The following DROSHA variants were observed in gnomAD, a reference collection of about 807,000 sequenced individuals.
DROSHA encodes drosha ribonuclease III.
DROSHA carries 56 observed loss-of-function variants against 181.9 expected under a neutral mutation model. The observed-to-expected ratio is 0.31, with a 90% CI of 0.25 to 0.38. The LOEUF (loss-of-function observed/expected upper bound fraction) is 0.38, where lower values mean the gene tolerates loss of function less well. DROSHA is among the 10% of genes least tolerant of loss of function. The pLI, the probability that DROSHA is intolerant of heterozygous loss-of-function variation, is 1.00. For missense variants in DROSHA, 1,218 were observed against 1,743.5 expected, an observed-to-expected ratio of 0.70 and a Z score of 5.37; for synonymous variants, 524 against 591.2, an observed-to-expected ratio of 0.89 and a Z score of 1.65.
chr5:31,503,029 G>A (rs558232202), intron 11 of DROSHA, among the ~76,000 whole-genome samples: 11 of 152,218 alleles, frequency 7.2e-5, no homozygotes, highest in Non-Finnish European at 1.5e-4. Context: ...ACTTGAAGGT[G>A]CACAAATGGA....
chr5:31,461,263 A>G (rs1748374674), intron 20 of DROSHA, among the ~76,000 whole-genome samples: 1 of 152,186 alleles, frequency 6.6e-6, no homozygotes, highest in Non-Finnish European at 1.5e-5. Context: ...AACAAAATAT[A>G]TGGCAAACAT....
intron 22 of DROSHA, 144 bp downstream of exon 22, chr5:31,449,134 CAAA>C (rs371567874): frequency 6.6e-3 from 6,058 of 912,904 alleles, no homozygotes; most frequent in South Asian, 0.012. Context: ...GACCCTGTCT[CAAA>C]AAAAAAAAAA....
chr5:31,480,203 T>TATATATATATATATATAC (rs1345858192), intron 16 of DROSHA, among the ~76,000 whole-genome samples: 3 of 140,186 alleles, frequency 2.1e-5, no homozygotes, highest in Non-Finnish European at 4.8e-5. Context: ...TATATATATA[T>TATATATATATATATATAC]ACTGAAAATA....
chr5:31,404,267 A>C (rs1009614476), intron 35 of DROSHA, among the ~76,000 whole-genome samples: 3 of 152,106 alleles, frequency 2.0e-5, no homozygotes, highest in Non-Finnish European at 4.4e-5. Context: ...TTATAGTTGA[A>C]AACAAACAAA....
At chr5:31,442,228 T>G (rs1187706669) in intron 23 of DROSHA, among the ~76,000 whole-genome samples, 5 of 152,162 alleles carry the variant, frequency 3.3e-5, no homozygotes, top group Admixed American at 6.5e-5. Flanking sequence ...CCAACATATG[T>G]TTTTCTGTAT....
At chr5:31,438,269 C>A (rs1197413907) in intron 23 of DROSHA, among the ~76,000 whole-genome samples, 2 of 152,122 alleles carry the variant, frequency 1.3e-5, no homozygotes, top group Non-Finnish European at 2.9e-5. Flanking sequence ...TTTCAACAGG[C>A]CACACTGGCT....
intron 16 of DROSHA, among the ~76,000 whole-genome samples, chr5:31,480,895 A>G (rs957863351): frequency 3.3e-4 from 51 of 152,310 alleles, no homozygotes; most frequent in African/African-American, 1.2e-3. Flanking sequence ...AATGCTAAAA[A>G]TGAATAATAA....
intron 25 of DROSHA, among the ~76,000 whole-genome samples, chr5:31,432,544 C>T (rs1192987216): frequency 6.6e-6 from 1 of 152,134 alleles, no homozygotes; most frequent in Non-Finnish European, 1.5e-5. Context: ...GACCCCTCTG[C>T]ACTTGTGTCC....
chr5:31,446,860 C>T (rs189411602), intron 23 of DROSHA, among the ~76,000 whole-genome samples: 1 of 152,080 alleles, frequency 6.6e-6, no homozygotes, highest in Non-Finnish European at 1.5e-5. Flanking sequence ...GCCAACATGG[C>T]GAAACCTCGT....
In DROSHA at chr5:31,401,327, A is replaced by G. The variant is rs1217112407; in HGVS notation, c.*105T>C. 1 of 1,460,162 alleles carries G rather than the reference A, an allele frequency of 6.8e-7. No individual in the cohort carries two copies. Among genetic ancestry groups the G allele is most frequent in the Non-Finnish European group, 9.5e-7 (1 of 1,050,146 alleles). 90.5% of individuals were successfully genotyped at this position (1,460,162 alleles called of 1,614,324 possible). ...CGATTTGACTCTGTATTTTATTTCA[A>G]TGAGCACACTTCATTCATTGTCTGC... is the stretch of plus-strand genomic sequence containing the variant. On this transcript the variant is annotated 3_prime_UTR_variant, in exon 36 of 36. Coordinates refer to ENST00000344624, the MANE Select transcript of DROSHA (RefSeq NM_001382508.1).
chr5:31,422,094 A>G (rs1371485405), intron 29 of DROSHA, among the ~76,000 whole-genome samples: 1 of 149,678 alleles, frequency 6.7e-6, no homozygotes, highest in Non-Finnish European at 1.5e-5. Flanking sequence ...CTGTCAGAAA[A>G]AAAAAAGAAA....
chr5:31,475,832 T>A (rs1448629088), intron 16 of DROSHA, among the ~76,000 whole-genome samples: 2 of 152,136 alleles, frequency 1.3e-5, no homozygotes, highest in Non-Finnish European at 2.9e-5. Flanking sequence ...GGTCCAGGTA[T>A]ATAAAACAGC....
chr5:31,481,214 T>C (rs1750997319), intron 16 of DROSHA, among the ~76,000 whole-genome samples: 1 of 152,230 alleles, frequency 6.6e-6, no homozygotes, highest in African/African-American at 2.4e-5. Context: ...CAGGTATTTT[T>C]CTGTATCCTT....
chr5:31,490,691 T>C (rs1752301030), intron 13 of DROSHA, among the ~76,000 whole-genome samples: 1 of 152,252 alleles, frequency 6.6e-6, no homozygotes, highest in Non-Finnish European at 1.5e-5. Context: ...ACATGCTTAC[T>C]GACATTCTCT....
At chr5:31,480,301 G>C (rs1363840186) in intron 16 of DROSHA, among the ~76,000 whole-genome samples, 2 of 150,500 alleles carry the variant, frequency 1.3e-5, no homozygotes, top group Non-Finnish European at 3.0e-5. Context: ...GCCAACTACA[G>C]TTAAGTGCAA....
intron 3 of DROSHA, 102 bp from the exon 4 acceptor site, chr5:31,529,207 A>ACCG: frequency 1.0e-6 from 1 of 966,730 alleles, no homozygotes; most frequent in Non-Finnish European, 1.5e-6. Context: ...TGTAGTTTCC[A>ACCG]ATACACTTAG....
intron 20 of DROSHA, among the ~76,000 whole-genome samples, chr5:31,459,164 G>C (rs1408095403): frequency 6.6e-6 from 1 of 152,142 alleles, no homozygotes; most frequent in Non-Finnish European, 1.5e-5. Flanking sequence ...GAAAACAGTT[G>C]AAGCTAAGTG....
At chr5:31,497,140 G>A (rs76326674) in intron 11 of DROSHA, among the ~76,000 whole-genome samples, 6,368 of 152,260 alleles carry the variant, frequency 0.042, 442 homozygotes, top group African/African-American at 0.15. Flanking sequence ...ACTGGGGTAC[G>A]TGGCACCCAG....
At chr5:31,451,124 C>T (rs1336570047) in intron 21 of DROSHA, among the ~76,000 whole-genome samples, 1 of 152,124 alleles carries the variant, frequency 6.6e-6, no homozygotes, top group Admixed American at 6.5e-5. Context: ...ATCGCTTGAA[C>T]CCAGGAGGCG....
Sources: gnomAD v4.1 joint callset for allele counts (sites outside exome capture counted in the v4.1 genomes callset) on GRCh38, gnomAD v4.1.1 for gene constraint, MANE v1.5 for transcripts, NCBI Gene and HGNC (gene_info 2026-07-23, HGNC 2026-07-21) for gene names.